BICC1: variants seen among roughly 807,000 people sequenced by gnomAD.
The protein encoded by BICC1 is protein bicaudal C homolog 1.
A neutral mutation model predicts 111.0 loss-of-function variants in BICC1; 43 were observed. That is an observed-to-expected ratio of 0.39 (90% CI 0.30 to 0.50). The LOEUF is 0.50. Among genes scored for constraint, BICC1 ranks in the 20% least tolerant of loss-of-function variants. BICC1 has a pLI of 0.88. For synonymous variants in BICC1, 467 were observed against 434.4 expected (o/e 1.07, Z -0.93); for missense variants, 1,091 against 1,203.2 (o/e 0.91, Z 1.38).
intron 2 of BICC1, among the ~76,000 whole-genome samples, chr10:58,685,695 CTTTT>C (rs1839699544): frequency 6.6e-6 from 1 of 152,078 alleles, no homozygotes; most frequent in Non-Finnish European, 1.5e-5. Context: ...GCAACCCCTG[CTTTT>C]TTTGTTTTCC....
At chr10:58,659,265 A>G (rs1838763301) in intron 2 of BICC1, among the ~76,000 whole-genome samples, 1 of 152,212 alleles carries the variant, frequency 6.6e-6, no homozygotes, top group Non-Finnish European at 1.5e-5. Context: ...AAATCTTTCT[A>G]CCATAAAGAT....
intron 2 of BICC1, among the ~76,000 whole-genome samples, chr10:58,699,913 A>G (rs1840179439): frequency 6.6e-6 from 1 of 152,148 alleles, no homozygotes; most frequent in South Asian, 2.1e-4. Context: ...GCTGGTCACA[A>G]ACTCCTGGCC....
intron 1 of BICC1, among the ~76,000 whole-genome samples, chr10:58,582,703 G>A (rs1221428200): frequency 1.3e-5 from 2 of 152,102 alleles, no homozygotes; most frequent in Admixed American, 1.3e-4. Context: ...AGAAGCCCTG[G>A]GGGAGGTTCA....
In BICC1 at chr10:58,718,742, A is replaced by ATGTGTGTGTGTGTGTGTG. The variant is rs371273354; in HGVS notation, c.307+16606_307+16623dup. On this transcript the variant is annotated intron_variant, in intron 3 of 20. Transcript: ENST00000373886. ...GGTCCTCAATATTAATAGCATGGAA[A>ATGTGTGTGTGTGTGTGTG]TGTGTGTGTGTGTGTGTGTGTGTGC... Among the ~76,000 whole-genome samples the ATGTGTGTGTGTGTGTGTG allele has an allele frequency of 2.6e-3, 384 of 148,524 alleles. 1 individual carries two copies. The highest frequency in any genetic ancestry group is 0.01 in the Middle Eastern group (3 of 294).
intron 20 of BICC1, among the ~76,000 whole-genome samples, chr10:58,828,114 G>A (rs9415590): frequency 0.72 from 108,965 of 152,022 alleles, 39,241 homozygotes; most frequent in East Asian, 0.75. Context: ...ACAGTAGGCC[G>A]TTAGTAAAGT....
intron 1 of BICC1, among the ~76,000 whole-genome samples, chr10:58,541,818 C>A (rs1399114111): frequency 2.0e-5 from 3 of 146,390 alleles, no homozygotes; most frequent in Non-Finnish European, 4.5e-5. Flanking sequence ...ATTACAAATC[C>A]ATAGCAATCA....
chr10:58,793,764 A>G, intron 9 of BICC1, 149 bp downstream of exon 9: 1 of 886,544 alleles, frequency 1.1e-6, no homozygotes, highest in Non-Finnish European at 1.7e-6. Context: ...CAAAAGCTGA[A>G]TCTTTTTTAG....
chr10:58,663,425 A>G (rs1838909352), intron 2 of BICC1, among the ~76,000 whole-genome samples: 1 of 151,892 alleles, frequency 6.6e-6, no homozygotes, highest in African/African-American at 2.4e-5. Flanking sequence ...GCACTGGACA[A>G]CCTCTGGTGT....
chr10:58,642,054 T>A (rs958765316), intron 2 of BICC1, among the ~76,000 whole-genome samples: 1 of 152,240 alleles, frequency 6.6e-6, no homozygotes, highest in African/African-American at 2.4e-5. Context: ...AAGTTTATAG[T>A]AAAACTGGAA....
At chr10:58,734,243 A>G (rs1351736543) in intron 3 of BICC1, among the ~76,000 whole-genome samples, 1 of 152,200 alleles carries the variant, frequency 6.6e-6, no homozygotes, top group African/African-American at 2.4e-5. Context: ...TTCTACCCAG[A>G]TGCCAGTATC....
intron 1 of BICC1, among the ~76,000 whole-genome samples, chr10:58,561,214 T>C (rs940475348): frequency 1.3e-5 from 2 of 152,086 alleles, no homozygotes; most frequent in African/African-American, 2.4e-5. Context: ...TTCATGCTTA[T>C]GTATCTGGGT....
intron 1 of BICC1, among the ~76,000 whole-genome samples, chr10:58,574,950 G>A (rs749176318): frequency 1.3e-5 from 2 of 151,688 alleles, no homozygotes; most frequent in Non-Finnish European, 2.9e-5. Context: ...GTACATTTGT[G>A]TGAAAACGAG....
intron 10 of BICC1, among the ~76,000 whole-genome samples, chr10:58,797,608 A>G (rs1048474799): frequency 3.3e-5 from 5 of 152,204 alleles, no homozygotes; most frequent in African/African-American, 1.2e-4. Context: ...TTCATCCTGC[A>G]CTACAGAGAA....
chr10:58,525,995 T>A (rs1051128917), intron 1 of BICC1, among the ~76,000 whole-genome samples: 2 of 151,852 alleles, frequency 1.3e-5, no homozygotes, highest in African/African-American at 2.4e-5. Flanking sequence ...ACATGGCTTT[T>A]TTTTCTTCGT....
intron 2 of BICC1, among the ~76,000 whole-genome samples, chr10:58,657,652 G>A (rs369288305): frequency 4.6e-5 from 7 of 152,002 alleles, no homozygotes; most frequent in East Asian, 3.9e-4. Context: ...TGTACAAAGG[G>A]GTATATATAA....
chr10:58,796,634 T>C (rs745793691), intron 10 of BICC1, 108 bp downstream of exon 10: 3 of 1,100,802 alleles, frequency 2.7e-6, no homozygotes, highest in Non-Finnish European at 3.8e-6. Flanking sequence ...TTTTTTTCCT[T>C]TGGGCTCTAA....
chr10:58,596,698 C>A (rs1378590330), intron 1 of BICC1, among the ~76,000 whole-genome samples: 1 of 152,206 alleles, frequency 6.6e-6, no homozygotes, highest in African/African-American at 2.4e-5. Flanking sequence ...CGATAAGCAA[C>A]TTCAGCAAAG....
intron 18 of BICC1, among the ~76,000 whole-genome samples, chr10:58,816,008 A>T (rs1844075394): frequency 6.6e-6 from 1 of 152,152 alleles, no homozygotes; most frequent in African/African-American, 2.4e-5. Context: ...ACAGTTTTAG[A>T]TAATTTCTCT....
At chr10:58,542,756 G>A (rs1447752299) in intron 1 of BICC1, among the ~76,000 whole-genome samples, 1 of 151,754 alleles carries the variant, frequency 6.6e-6, no homozygotes. Context: ...ATAAACATCG[G>A]CATGAAAAGA....
Sources: gnomAD v4.1 joint callset for allele counts (sites outside exome capture counted in the v4.1 genomes callset) on GRCh38, gnomAD v4.1.1 for gene constraint, MANE v1.5 for transcripts, NCBI Gene and HGNC (gene_info 2026-07-23, HGNC 2026-07-21) for gene names.